The following BMP2K variants were observed in gnomAD, a reference collection of about 807,000 sequenced individuals.
The protein encoded by BMP2K is BMP2 inducible kinase.
BMP2K carries 74 observed loss-of-function variants against 116.0 expected under a neutral mutation model. That is an observed-to-expected ratio of 0.64 (90% CI 0.53 to 0.77). The LOEUF (loss-of-function observed/expected upper bound fraction) is 0.77. BMP2K is among the 30% of genes least tolerant of loss of function. The probability of loss-of-function intolerance (pLI) is 0.00; values close to 1 mark genes in which losing one functional copy is unlikely to be tolerated. For missense variants in BMP2K, 1,365 were observed against 1,403.6 expected (o/e 0.97, Z 0.44); for synonymous variants, 486 against 502.5 (o/e 0.97, Z 0.44).
At chr4:78,829,787 T>TTTCTTTTCTTTTCTTTTCTTTTCTCTC (rs71216237) in intron 2 of BMP2K, among the ~76,000 whole-genome samples, 14 of 86,650 alleles carry the variant, frequency 1.6e-4, no homozygotes, top group African/African-American at 5.9e-4. Flanking sequence ...TTTCTTTTCT[T>TTTCTTTTCTTTTCTTTTCTTTTCTCTC]TTCTCTTCTC....
In BMP2K at chr4:78,879,486, C is replaced by G. The variant is rs1294898939; in HGVS notation, c.1951+595C>G. ...GAATCATTGCTTTTCTTTGAACTAC[C>G]TAATATATGTCAAGCTTCGCCACAC... On this transcript the variant is annotated intron_variant, in intron 14 of 15. Coordinates refer to ENST00000502613, the MANE Select transcript of BMP2K (RefSeq NM_198892.2). The G allele has an allele frequency of 4.5e-6, 4 of 898,368 alleles. No individual in the cohort carries two copies. In the East Asian group the frequency reaches 4.8e-4, roughly 107 times the overall value. The allele number at this position is 898,368 out of a possible 1,614,324, so 55.6% of individuals were successfully genotyped here.
chr4:78,853,721 C>G (rs531629987), intron 7 of BMP2K, among the ~76,000 whole-genome samples: 1 of 152,262 alleles, frequency 6.6e-6, no homozygotes, highest in East Asian at 1.9e-4. Context: ...TTGAGCACCT[C>G]CATTTATCTC....
intron 7 of BMP2K, among the ~76,000 whole-genome samples, chr4:78,854,816 A>G (rs758265831): frequency 5.9e-5 from 9 of 152,154 alleles, no homozygotes; most frequent in Non-Finnish European, 1.2e-4. Context: ...AGTGCAATAA[A>G]TTTTCATGTA....
At chr4:78,902,822 A>G (rs925622800) in intron 15 of BMP2K, among the ~76,000 whole-genome samples, 2 of 152,092 alleles carry the variant, frequency 1.3e-5, no homozygotes, top group Admixed American at 1.3e-4. Flanking sequence ...TTCTCTCTTC[A>G]TATTGGATAT....
chr4:78,872,333 A>T, intron 12 of BMP2K: 1 of 146,804 alleles, frequency 6.8e-6, no homozygotes, highest in African/African-American at 5.7e-5. Flanking sequence ...TTTTTTTAAC[A>T]GCAACCACTA....
At chr4:78,879,035 A>G (rs986777090) in intron 14 of BMP2K, 144 bp downstream of exon 14, 6 of 1,439,610 alleles carry the variant, frequency 4.2e-6, no homozygotes, top group African/African-American at 2.9e-5. Flanking sequence ...CTTCTTATAC[A>G]TATACTATCA....
chr4:78,899,182 A>G (rs1487938957), intron 15 of BMP2K: 1 of 152,220 alleles, frequency 6.6e-6, no homozygotes, highest in Non-Finnish European at 1.5e-5. Context: ...AAAAGACTCC[A>G]TGCTTGAAAT....
chr4:78,779,831 C>T (rs1727420423), intron 1 of BMP2K, among the ~76,000 whole-genome samples: 2 of 152,174 alleles, frequency 1.3e-5, no homozygotes, highest in South Asian at 4.1e-4. Flanking sequence ...TAGTCAAGCA[C>T]ATAAGTGTTT....
At chr4:78,863,428 G>A (rs922696876) in intron 9 of BMP2K, among the ~76,000 whole-genome samples, 1 of 152,018 alleles carries the variant, frequency 6.6e-6, no homozygotes, top group African/African-American at 2.4e-5. Context: ...TTCTTAAAAG[G>A]TCGCTCTCAT....
intron 1 of BMP2K, among the ~76,000 whole-genome samples, chr4:78,823,596 G>C (rs1174106574): frequency 6.8e-6 from 1 of 147,272 alleles, no homozygotes. Flanking sequence ...AGGTATATAT[G>C]TAGGTATATA....
At chr4:78,874,394 T>A (rs1732534877) in intron 13 of BMP2K, among the ~76,000 whole-genome samples, 3 of 152,208 alleles carry the variant, frequency 2.0e-5, no homozygotes, top group Admixed American at 2.0e-4. Flanking sequence ...TAAATAGTAA[T>A]CTAATAAATT....
At chr4:78,861,202 G>A (rs1303658835) in intron 8 of BMP2K, among the ~76,000 whole-genome samples, 187 bp from the exon 9 acceptor site, 4 of 151,824 alleles carry the variant, frequency 2.6e-5, no homozygotes, top group Non-Finnish European at 5.9e-5. Flanking sequence ...TGACATTTGT[G>A]TAACATGTAG....
intron 14 of BMP2K, among the ~76,000 whole-genome samples, chr4:78,884,615 T>C (rs1577956916): frequency 6.6e-6 from 1 of 152,342 alleles, no homozygotes; most frequent in East Asian, 1.9e-4. Context: ...CCATTTGTTC[T>C]TTCTCACCCC....
intron 13 of BMP2K, among the ~76,000 whole-genome samples, chr4:78,878,253 G>A (rs998257179): frequency 1.3e-5 from 2 of 152,112 alleles, no homozygotes; most frequent in African/African-American, 2.4e-5. Context: ...GCATAACCAA[G>A]GCATTTGATC....
chr4:78,784,185 A>G (rs1560497704), intron 1 of BMP2K, among the ~76,000 whole-genome samples: 1 of 152,118 alleles, frequency 6.6e-6, no homozygotes. Context: ...TTTTGTCAGA[A>G]CTTGAAGTAG....
rs536159267 is a variant in BMP2K at position 78,832,152 on chromosome 4, G to A, written c.298-1430G>A. 1.2e-4 allele frequency among the ~76,000 whole-genome samples: 18 copies of A among 152,140 alleles called. No individual in the cohort carries two copies. In the South Asian group the frequency reaches 3.1e-3, roughly 26 times the overall value. ...CTTTTGGGTATTATAATTAATACTG[G>A]CATGAATATGTGCATGCATCTATTT... is the stretch of plus-strand genomic sequence containing the variant. On this transcript the variant is annotated intron_variant, in intron 2 of 15. Coordinates refer to ENST00000502613, the MANE Select transcript of BMP2K (RefSeq NM_198892.2).
intron 5 of BMP2K, among the ~76,000 whole-genome samples, chr4:78,846,161 T>C (rs1260756258): frequency 1.3e-5 from 2 of 151,660 alleles, no homozygotes; most frequent in African/African-American, 2.4e-5. Context: ...TTCAATTGAA[T>C]GTTTTATTAG....
At chr4:78,860,968 T>C (rs1445159415) in intron 8 of BMP2K, among the ~76,000 whole-genome samples, 2 of 151,862 alleles carry the variant, frequency 1.3e-5, no homozygotes, top group Non-Finnish European at 2.9e-5. Flanking sequence ...GCCCTCATTT[T>C]CCAGGCCTTA....
At chr4:78,848,459 G>A (rs1731108319) in intron 6 of BMP2K, among the ~76,000 whole-genome samples, 1 of 151,382 alleles carries the variant, frequency 6.6e-6, no homozygotes, top group African/African-American at 2.4e-5. Flanking sequence ...AGGTGATTAT[G>A]GAGGTCTTTT....
Sources: allele counts gnomAD v4.1 joint callset (sites outside exome capture counted in the v4.1 genomes callset), GRCh38; gene constraint gnomAD v4.1.1; transcripts MANE v1.5; gene names NCBI Gene and HGNC (gene_info 2026-07-23, HGNC 2026-07-21).